CNTNAP2: variants seen among roughly 807,000 people sequenced by gnomAD.
CNTNAP2 encodes contactin-associated protein-like 2.
CNTNAP2 carries 98 observed loss-of-function variants against 155.2 expected under a neutral mutation model. The ratio of observed to expected loss-of-function variants is 0.63; its 90% CI spans 0.54 to 0.75. CNTNAP2 has a LOEUF of 0.75. Among genes scored for constraint, CNTNAP2 ranks in the 30% least tolerant of loss-of-function variants. CNTNAP2 has a pLI of 0.00. For missense variants in CNTNAP2, 1,727 were observed against 1,688.1 expected, an observed-to-expected ratio of 1.02 and a Z score of -0.40; for synonymous variants, 651 against 631.2, an observed-to-expected ratio of 1.03 and a Z score of -0.47.
chr7:146,647,646 G>C (rs1288905751), intron 1 of CNTNAP2, among the ~76,000 whole-genome samples: 1 of 152,074 alleles, frequency 6.6e-6, no homozygotes, highest in African/African-American at 2.4e-5. Context: ...GTTCAGCATG[G>C]TGGCTGCGAA....
chr7:147,044,171 T>C lies in CNTNAP2; in HGVS notation c.550+117T>C, dbSNP rs187423028. On this transcript the variant is annotated intron_variant, in intron 4 of 23. Transcript: ENST00000361727. ...TCTCTGACAATAAACTACCTTCTCATTTACATATATATGTATCTATGCATA... is the reference window on the plus strand; with the variant it reads ...TCTCTGACAATAAACTACCTTCTCACTTACATATATATGTATCTATGCATA... The C allele has an allele frequency of 3.4e-4, 366 of 1,089,786 alleles. 2 individuals carry two copies. The East Asian group carries it at 8.8e-3, about 26-fold the overall frequency. 67.5% of individuals were successfully genotyped at this position (1,089,786 alleles called of 1,614,324 possible). A position where few individuals can be genotyped will look rare whatever the true frequency, so the allele number is the denominator to read the frequency against.
At chr7:146,393,277 A>G (rs1169935656) in intron 1 of CNTNAP2, among the ~76,000 whole-genome samples, 1 of 152,198 alleles carries the variant, frequency 6.6e-6, no homozygotes, top group African/African-American at 2.4e-5. Context: ...ACATAATGGC[A>G]TATTCACAGT....
At chr7:148,110,742 C>G (rs906332065) in intron 15 of CNTNAP2, among the ~76,000 whole-genome samples, 3 of 152,068 alleles carry the variant, frequency 2.0e-5, no homozygotes, top group Non-Finnish European at 2.9e-5. Context: ...TCAGTCACAC[C>G]CCAGCTCCCC....
At chr7:147,047,493 T>A (rs1799388717) in intron 4 of CNTNAP2, among the ~76,000 whole-genome samples, 1 of 152,126 alleles carries the variant, frequency 6.6e-6, no homozygotes, top group African/African-American at 2.4e-5. Context: ...TATTTATATA[T>A]CTATCATCTA....
chr7:146,944,579 T>C (rs1379912825), intron 3 of CNTNAP2, among the ~76,000 whole-genome samples: 1 of 152,152 alleles, frequency 6.6e-6, no homozygotes, highest in Admixed American at 6.5e-5. Flanking sequence ...TACATATGCA[T>C]AGAAAAATCT....
At chr7:146,983,719 A>G (rs1416029541) in intron 3 of CNTNAP2, among the ~76,000 whole-genome samples, 1 of 152,176 alleles carries the variant, frequency 6.6e-6, no homozygotes, top group Non-Finnish European at 1.5e-5. Flanking sequence ...TACGGTACAG[A>G]TATCTTCATT....
intron 1 of CNTNAP2, among the ~76,000 whole-genome samples, chr7:146,284,430 T>G (rs73459938): frequency 0.023 from 3,545 of 152,170 alleles, 152 homozygotes; most frequent in African/African-American, 0.081. Context: ...CCCCACTATA[T>G]AAATGCAATA....
In CNTNAP2 at chr7:146,162,200, T is replaced by G. The variant is rs916319879; in HGVS notation, c.97+45227T>G. Among the ~76,000 whole-genome samples, 53 of 152,010 alleles carry G rather than the reference T, an allele frequency of 3.5e-4. No homozygotes were observed. The East Asian group carries it at 3.5e-3, about 10-fold the overall frequency. On this transcript the variant is annotated intron_variant, in intron 1 of 23. Coordinates refer to ENST00000361727, the MANE Select transcript of CNTNAP2 (RefSeq NM_014141.6). ...ACTAAAGAGCTTCTGCACAGCAAAA[T>G]AAACTACCATCAGAGTGAACAGGCA...
intron 13 of CNTNAP2, chr7:147,672,761 C>T (rs1423570046): frequency 1.3e-5 from 2 of 152,146 alleles, no homozygotes; most frequent in African/African-American, 2.4e-5. Context: ...TGCTGTTATG[C>T]AAGGTACCAC....
At chr7:147,516,378 T>A (rs149017158) in intron 11 of CNTNAP2, among the ~76,000 whole-genome samples, 1 of 152,336 alleles carries the variant, frequency 6.6e-6, no homozygotes, top group East Asian at 1.9e-4. Flanking sequence ...GTTTATTGCT[T>A]ATTTCCGTGT....
intron 15 of CNTNAP2, among the ~76,000 whole-genome samples, chr7:147,990,491 G>A (rs181530503): frequency 1.1e-4 from 17 of 152,062 alleles, no homozygotes; most frequent in Non-Finnish European, 1.6e-4. Flanking sequence ...CTGGTTGGAG[G>A]GGGGTTATCT....
At chr7:146,383,038 A>G (rs1040691927) in intron 1 of CNTNAP2, among the ~76,000 whole-genome samples, 1 of 152,170 alleles carries the variant, frequency 6.6e-6, no homozygotes, top group African/African-American at 2.4e-5. Flanking sequence ...TTATAGCTGT[A>G]AAGCCTTCTG....
At chr7:147,655,638 CA>C (rs759808883) in intron 13 of CNTNAP2, among the ~76,000 whole-genome samples, 2 of 152,166 alleles carry the variant, frequency 1.3e-5, no homozygotes, top group Admixed American at 6.5e-5. Context: ...TTAAAGTATT[CA>C]GTAAACCTGT....
At chr7:147,278,204 C>T (rs1804947405) in intron 8 of CNTNAP2, among the ~76,000 whole-genome samples, 1 of 151,422 alleles carries the variant, frequency 6.6e-6, no homozygotes, top group Admixed American at 6.6e-5. Context: ...GGTAGCTTTT[C>T]CATCAATTTC....
chr7:148,381,525 G>C (rs1799059067), intron 21 of CNTNAP2: 1 of 152,226 alleles, frequency 6.6e-6, no homozygotes, highest in South Asian at 2.1e-4. Context: ...TCCCTCTGAA[G>C]TGAAGCTGCT....
At chr7:147,310,859 G>C (rs1008904409) in intron 9 of CNTNAP2, among the ~76,000 whole-genome samples, 1 of 152,186 alleles carries the variant, frequency 6.6e-6, no homozygotes, top group African/African-American at 2.4e-5. Flanking sequence ...TCAACTCCAA[G>C]TATAGGAAGG....
intron 3 of CNTNAP2, among the ~76,000 whole-genome samples, chr7:146,864,867 T>A (rs753134256): frequency 6.6e-5 from 10 of 151,164 alleles, no homozygotes; most frequent in Non-Finnish European, 1.5e-4. Context: ...GCTCCTGTGG[T>A]CCCAGCTCAA....
At chr7:147,921,689 A>C (rs1443245786) in intron 14 of CNTNAP2, among the ~76,000 whole-genome samples, 1 of 152,128 alleles carries the variant, frequency 6.6e-6, no homozygotes, top group East Asian at 1.9e-4. Flanking sequence ...TCATCTTTAA[A>C]ATGAGAATAG....
intron 1 of CNTNAP2, among the ~76,000 whole-genome samples, chr7:146,597,140 A>G (rs1316395611): frequency 6.6e-6 from 1 of 152,050 alleles, no homozygotes; most frequent in Non-Finnish European, 1.5e-5. Context: ...TCTGGATAGA[A>G]CTTCATAGGA....
Sources: gnomAD v4.1 joint callset for allele counts (sites outside exome capture counted in the v4.1 genomes callset) on GRCh38, gnomAD v4.1.1 for gene constraint, MANE v1.5 for transcripts, NCBI Gene and HGNC (gene_info 2026-07-23, HGNC 2026-07-21) for gene names.